Variants in ADARB2 observed in about 807,000 individuals in gnomAD.
The protein encoded by ADARB2 is adenosine deaminase RNA specific B2 (inactive), also known as inactive double-stranded RNA-specific editase B2.
ADARB2 carries 25 observed loss-of-function variants against 62.2 expected under a neutral mutation model. The observed-to-expected ratio is 0.40, with a 90% confidence interval of 0.29 to 0.56. The LOEUF (loss-of-function observed/expected upper bound fraction) is 0.56, where lower values mean the gene tolerates loss of function less well. Among genes scored for constraint, ADARB2 ranks in the 20% least tolerant of loss-of-function variants. ADARB2 has a pLI of 0.43. For missense variants in ADARB2, 1,071 were observed against 1,077.4 expected, an observed-to-expected ratio of 0.99 and a Z score of 0.08; for synonymous variants, 572 against 500.8, an observed-to-expected ratio of 1.14 and a Z score of -1.90.
At chr10:1,560,044 G>A (rs555252750) in intron 1 of ADARB2, among the ~76,000 whole-genome samples, 1 of 152,146 alleles carries the variant, frequency 6.6e-6, no homozygotes, top group Non-Finnish European at 1.5e-5. Flanking sequence ...CTAGGACAAA[G>A]GTTAAGATGT....
chr10:1,581,294 T>C (rs10751805), intron 1 of ADARB2, among the ~76,000 whole-genome samples: 76,874 of 151,868 alleles, frequency 0.51, 19,888 homozygotes, highest in East Asian at 0.64. Context: ...GCTTTCCCTG[T>C]GACAGCTACC....
chr10:1,650,723 G>A (rs139664894), intron 1 of ADARB2, among the ~76,000 whole-genome samples: 58 of 152,330 alleles, frequency 3.8e-4, no homozygotes, highest in African/African-American at 1.2e-3. Context: ...TCCGCCCACT[G>A]CAGTCCCGGA....
chr10:1,336,100 C>T (rs909725216), intron 3 of ADARB2, among the ~76,000 whole-genome samples: 4 of 152,212 alleles, frequency 2.6e-5, no homozygotes, highest in African/African-American at 9.7e-5. Flanking sequence ...TGCAAACATT[C>T]GAATTCATGG....
In ADARB2 at chr10:1,185,144, G is replaced by C. The variant is rs541778360; in HGVS notation, c.1865-105C>G. ...TGGAGCCTGTATGTGAGTGGGAATG[G>C]TCCTCCCTTTTCATCCTCAGGACTG... On this transcript the variant is annotated intron_variant, in intron 8 of 9. Transcript: ENST00000381312. 3 of 1,375,134 alleles carry C rather than the reference G, an allele frequency of 2.2e-6. No homozygotes were observed. The East Asian group carries it at 7.5e-5, about 34-fold the overall frequency. 85.2% of individuals were successfully genotyped at this position (1,375,134 alleles called of 1,614,324 possible).
chr10:1,244,449 T>G (rs1830958784), intron 4 of ADARB2, among the ~76,000 whole-genome samples: 1 of 152,196 alleles, frequency 6.6e-6, no homozygotes, highest in Non-Finnish European at 1.5e-5. Flanking sequence ...TCTCTTTGGA[T>G]TCCGTGGAAA....
intron 1 of ADARB2, among the ~76,000 whole-genome samples, chr10:1,411,331 C>T (rs576136577): frequency 8.5e-5 from 13 of 152,306 alleles, no homozygotes; most frequent in Middle Eastern, 3.4e-3. Context: ...TCAAGTGCAC[C>T]GGAGGCTCCG....
intron 1 of ADARB2, among the ~76,000 whole-genome samples, chr10:1,585,567 G>A (rs945714757): frequency 8.5e-5 from 13 of 152,284 alleles, no homozygotes; most frequent in Non-Finnish European, 1.9e-4. Flanking sequence ...CAAGGCTTAC[G>A]TGATGATTCC....
At chr10:1,380,207 C>T (rs548641742) in intron 1 of ADARB2, among the ~76,000 whole-genome samples, 135 of 152,346 alleles carry the variant, frequency 8.9e-4, no homozygotes, top group African/African-American at 3.2e-3. Context: ...CTGGACCACA[C>T]TGATTAAGAC....
chr10:1,526,033 G>A (rs1422523917), intron 1 of ADARB2, among the ~76,000 whole-genome samples: 5 of 152,184 alleles, frequency 3.3e-5, no homozygotes, highest in East Asian at 1.9e-4. Flanking sequence ...GTGTGTATGC[G>A]TGCATGTGCA....
rs369435009 is a variant in ADARB2, at chr10:1,719,560, A to G, written c.100+17491T>C. On this transcript the variant is annotated intron_variant, in intron 1 of 9. Transcript: ENST00000381312. ...AAAAATTGGCAAATGGGACCTAATT[A>G]AACTAAAGAGCTTCTGCGCAGCAAA... 5.9e-5 allele frequency among the ~76,000 whole-genome samples: 9 copies of G among 152,386 alleles called. No homozygotes were observed. In the South Asian group the frequency reaches 1.9e-3, roughly 32 times the overall value.
At chr10:1,634,226 C>A (rs1045268518) in intron 1 of ADARB2, among the ~76,000 whole-genome samples, 2 of 152,196 alleles carry the variant, frequency 1.3e-5, no homozygotes, top group Non-Finnish European at 2.9e-5. Context: ...GACTCAATGG[C>A]CCAAGACCTA....
chr10:1,407,464 G>A (rs1458291874), intron 1 of ADARB2, among the ~76,000 whole-genome samples: 1 of 152,214 alleles, frequency 6.6e-6, no homozygotes, highest in East Asian at 1.9e-4. Context: ...TTTCTCTGCA[G>A]GGCTAGGCTG....
intron 1 of ADARB2, among the ~76,000 whole-genome samples, chr10:1,697,982 C>T (rs1435954240): frequency 6.6e-6 from 1 of 152,198 alleles, no homozygotes; most frequent in Non-Finnish European, 1.5e-5. Context: ...GTTCTCTAAA[C>T]ATTAAACAAT....
At chr10:1,500,579 A>T (rs1000543231) in intron 1 of ADARB2, among the ~76,000 whole-genome samples, 7 of 152,236 alleles carry the variant, frequency 4.6e-5, no homozygotes, top group Non-Finnish European at 1.0e-4. Context: ...AAACACCTAC[A>T]GCACAAAAGG....
chr10:1,227,236 A>G (rs909267618), intron 6 of ADARB2, among the ~76,000 whole-genome samples: 2 of 152,198 alleles, frequency 1.3e-5, no homozygotes, highest in South Asian at 4.1e-4. Context: ...CTGGTATGCC[A>G]TTTTTTAAGC....
intron 1 of ADARB2, among the ~76,000 whole-genome samples, chr10:1,688,315 C>T (rs1834622546): frequency 6.6e-6 from 1 of 152,194 alleles, no homozygotes; most frequent in Admixed American, 6.5e-5. Context: ...CAGCCTTGGG[C>T]ATGGGTGGGC....
intron 1 of ADARB2, among the ~76,000 whole-genome samples, chr10:1,675,825 G>T (rs959048923): frequency 6.6e-6 from 1 of 152,218 alleles, no homozygotes; most frequent in African/African-American, 2.4e-5. Context: ...TTTGCAGGGA[G>T]TGAAGGGAAG....
At chr10:1,345,183 G>A (rs1232125260) in intron 3 of ADARB2, among the ~76,000 whole-genome samples, 56 of 152,140 alleles carry the variant, frequency 3.7e-4, no homozygotes. Context: ...ACCTGTCACG[G>A]TGGTCCCCCC....
chr10:1,639,670 T>G (rs1035776889), intron 1 of ADARB2, among the ~76,000 whole-genome samples: 4 of 152,130 alleles, frequency 2.6e-5, no homozygotes, highest in Non-Finnish European at 5.9e-5. Context: ...TGGTGAAACC[T>G]GTCTCTACTA....
Sources: allele counts gnomAD v4.1 joint callset (sites outside exome capture counted in the v4.1 genomes callset), GRCh38; gene constraint gnomAD v4.1.1; transcripts MANE v1.5; gene names NCBI Gene and HGNC (gene_info 2026-07-23, HGNC 2026-07-21).